LIPI: variants seen among roughly 807,000 people sequenced by gnomAD.
LIPI encodes the protein lipase I, also known as lipase member I.
A neutral mutation model predicts 50.6 loss-of-function variants in LIPI; 59 were observed. The ratio of observed to expected loss-of-function variants is 1.16; its 90% CI spans 0.94 to 1.45. The LOEUF (loss-of-function observed/expected upper bound fraction) is 1.45. LIPI is among the 40% of genes most tolerant of loss of function. The pLI, the probability that LIPI is intolerant of heterozygous loss-of-function variation, is 0.00. For missense variants in LIPI, 586 were observed against 536.3 expected (o/e 1.09, Z -0.92); for synonymous variants, 203 against 178.2 (o/e 1.14, Z -1.11).
At chr21:14,146,645 T>C (rs1429294683) in intron 8 of LIPI, among the ~76,000 whole-genome samples, 1 of 152,090 alleles carries the variant, frequency 6.6e-6, no homozygotes, top group Non-Finnish European at 1.5e-5. Flanking sequence ...ACTAAAATAC[T>C]TCAGTGGTTT....
At chr21:14,170,129 T>C (rs140958860) in intron 4 of LIPI, among the ~76,000 whole-genome samples, 20,983 of 152,132 alleles carry the variant, frequency 0.14, 1,908 homozygotes, top group Non-Finnish European at 0.2. Flanking sequence ...ATGGATAAAT[T>C]CCTCAACACA....
At chr21:14,145,819 T>C (rs2017884189) in intron 8 of LIPI, among the ~76,000 whole-genome samples, 1 of 152,176 alleles carries the variant, frequency 6.6e-6, no homozygotes, top group Admixed American at 6.5e-5. Flanking sequence ...GAGTAACTAG[T>C]AGGGCACCCA....
At chr21:14,124,140 G>A (rs1199056726) in intron 9 of LIPI, among the ~76,000 whole-genome samples, 1 of 152,122 alleles carries the variant, frequency 6.6e-6, no homozygotes, top group East Asian at 1.9e-4. Context: ...CTCTTCAGAA[G>A]CATCCAGTCT....
intron 9 of LIPI, among the ~76,000 whole-genome samples, chr21:14,119,036 G>A (rs1277434133): frequency 6.6e-6 from 1 of 152,174 alleles, no homozygotes; most frequent in Non-Finnish European, 1.5e-5. Flanking sequence ...ACAAATACCT[G>A]CTAGTGCTGC....
intron 9 of LIPI, among the ~76,000 whole-genome samples, chr21:14,139,539 C>T (rs1178403654): frequency 6.6e-6 from 1 of 152,080 alleles, no homozygotes. Flanking sequence ...TGAAATAAGT[C>T]TTTGAAGAAA....
chr21:14,148,305 A>T (rs2017975484), intron 8 of LIPI, among the ~76,000 whole-genome samples: 2 of 152,158 alleles, frequency 1.3e-5, no homozygotes, highest in Admixed American at 1.3e-4. Flanking sequence ...CATTTTCTAC[A>T]GTGAGTAAAT....
chr21:14,152,582 C>G lies in LIPI; in HGVS notation c.1109G>C (p.Arg370Thr). 1.3e-6 allele frequency: 2 copies of G among 1,543,606 alleles called. No individual in the cohort carries two copies. Among genetic ancestry groups the G allele is most frequent in the Non-Finnish European group, 1.8e-6 (2 of 1,118,516 alleles). Residue 370 changes from arginine to threonine, a missense_variant, in exon 8 of 10, where the codon AGG becomes ACG. Arg to Thr is a moderately conservative substitution (Grantham distance 71). Transcript: ENST00000681601. ...LNQLGMIEEP[R>T]LYEKNKPFYK... ...AGTAAATTTTACTTACTCATAAAGC[C>G]TTGGCTCTTCAATCATTCCAAGCTG...
chr21:14,161,851 T>A (rs1303979970), intron 7 of LIPI, among the ~76,000 whole-genome samples: 3 of 114,770 alleles, frequency 2.6e-5, no homozygotes, highest in East Asian at 4.9e-4. Flanking sequence ...ATATACATTA[T>A]TATATATAAT....
intron 9 of LIPI, among the ~76,000 whole-genome samples, chr21:14,115,057 G>A (rs538866987): frequency 6.6e-6 from 1 of 152,174 alleles, no homozygotes; most frequent in African/African-American, 2.4e-5. Context: ...AGACAACCAA[G>A]ACATTTTTAC....
chr21:14,180,027 A>G (rs772612106), intron 4 of LIPI, among the ~76,000 whole-genome samples: 2 of 152,072 alleles, frequency 1.3e-5, no homozygotes, highest in Non-Finnish European at 2.9e-5. Context: ...TAATATTAAT[A>G]CCCTGGGAAA....
intron 2 of LIPI, among the ~76,000 whole-genome samples, chr21:14,187,995 T>C (rs555948061): frequency 2.0e-5 from 3 of 152,254 alleles, no homozygotes; most frequent in Admixed American, 2.0e-4. Flanking sequence ...GTGTTGTTAT[T>C]TGTTCAATTT....
At chr21:14,196,271 A>G (rs572172378) in intron 1 of LIPI, among the ~76,000 whole-genome samples, 2 of 152,220 alleles carry the variant, frequency 1.3e-5, no homozygotes, top group South Asian at 4.1e-4. Context: ...AAAAACTTTG[A>G]TGAATCACAA....
At chr21:14,115,844 C>A (rs1293467411) in intron 9 of LIPI, among the ~76,000 whole-genome samples, 1 of 152,132 alleles carries the variant, frequency 6.6e-6, no homozygotes, top group African/African-American at 2.4e-5. Flanking sequence ...ACCACTTATC[C>A]AACCCAGAGT....
Position 14,144,721 on chromosome 21 carries a change from G to T in LIPI, c.1197C>A (p.Ser399Arg), listed in dbSNP as rs745702471. Residue 399 changes from serine (S) to arginine (R), a missense_variant, in exon 9 of 10, where the codon AGC (serine) becomes AGA (arginine). Ser to Arg is a moderately radical substitution (Grantham distance 110). Transcript: ENST00000681601. Reference protein sequence around the residue: ...QFYNDFVNISSIGLTYFQSSN... With the variant: ...QFYNDFVNISRIGLTYFQSSN... ...AGCTCTGGAAATATGTCAAACCAAT[G>T]CTTGAAATATTTACAAAGTCATTAT... The T allele has an allele frequency of 5.1e-6, 8 of 1,566,618 alleles. No homozygotes were observed. The South Asian group carries it at 8.9e-5, about 17-fold the overall frequency.
chr21:14,140,466 G>A (rs2017665349), intron 9 of LIPI, among the ~76,000 whole-genome samples: 3 of 151,934 alleles, frequency 2.0e-5, no homozygotes, highest in Non-Finnish European at 4.4e-5. Flanking sequence ...GTTTACTTTT[G>A]TTAATTTTGT....
intron 9 of LIPI, among the ~76,000 whole-genome samples, chr21:14,122,835 T>C (rs1014148960): frequency 1.3e-5 from 2 of 152,246 alleles, no homozygotes; most frequent in Non-Finnish European, 1.5e-5. Context: ...AGGTGTTTCA[T>C]TGGTCATTAT....
intron 7 of LIPI, among the ~76,000 whole-genome samples, chr21:14,157,043 C>A (rs1163474065): frequency 6.6e-6 from 1 of 151,800 alleles, no homozygotes; most frequent in Admixed American, 6.6e-5. Flanking sequence ...ATGTGGAAAG[C>A]AGAAATTGTA....
chr21:14,144,488 T>C (rs2017828942), intron 9 of LIPI, 135 bp downstream of exon 9: 3 of 500,552 alleles, frequency 6.0e-6, no homozygotes, highest in South Asian at 4.2e-5. Context: ...GAGATTCTAA[T>C]ATTTATGTAA....
chr21:14,191,375 TCA>T (rs1568879748), intron 1 of LIPI, among the ~76,000 whole-genome samples: 1 of 60,602 alleles, frequency 1.7e-5, no homozygotes. Flanking sequence ...AGACTCCGTC[TCA>T]AAAAAAAAAA....
Sources: gnomAD v4.1 joint callset for allele counts (sites outside exome capture counted in the v4.1 genomes callset) on GRCh38, gnomAD v4.1.1 for gene constraint, MANE v1.5 for transcripts, NCBI Gene and HGNC (gene_info 2026-07-23, HGNC 2026-07-21) for gene names.